The following CNTNAP2 variants were observed in gnomAD, a reference collection of about 807,000 sequenced individuals.
CNTNAP2 encodes contactin-associated protein-like 2.
A neutral mutation model predicts 155.2 loss-of-function variants in CNTNAP2; 98 were observed. The observed-to-expected ratio is 0.63, with a 90% CI of 0.54 to 0.75. The LOEUF (loss-of-function observed/expected upper bound fraction) is 0.75. CNTNAP2 is among the 30% of genes least tolerant of loss of function. The pLI is 0.00. For synonymous variants in CNTNAP2, 651 were observed against 631.2 expected, an observed-to-expected ratio of 1.03 and a Z score of -0.47; for missense variants, 1,727 against 1,688.1, an observed-to-expected ratio of 1.02 and a Z score of -0.40.
At chr7:148,233,982 C>A (rs981219305) in intron 20 of CNTNAP2, among the ~76,000 whole-genome samples, 4 of 151,466 alleles carry the variant, frequency 2.6e-5, no homozygotes. Context: ...ATGCCTGCTA[C>A]CCCTTTGTCT....
intron 13 of CNTNAP2, among the ~76,000 whole-genome samples, chr7:147,824,658 A>G (rs1212805687): frequency 3.3e-5 from 5 of 152,152 alleles, no homozygotes; most frequent in Non-Finnish European, 7.3e-5. Flanking sequence ...TCATAAAATG[A>G]TATGATTCTT....
chr7:146,185,270 G>A (rs1798606671), intron 1 of CNTNAP2, among the ~76,000 whole-genome samples: 1 of 152,142 alleles, frequency 6.6e-6, no homozygotes, highest in Admixed American at 6.6e-5. Flanking sequence ...CGATGGCTGG[G>A]AGGAAAGTAT....
Position 146,241,122 on chromosome 7 carries a change from C to T in CNTNAP2, c.97+124149C>T, listed in dbSNP as rs546111854. ...TGCTAAACATTCATGAGAAAACTACCCACATGATCCACTCAGCTCCCATCA... is the reference window on the plus strand; with the variant it reads ...TGCTAAACATTCATGAGAAAACTACTCACATGATCCACTCAGCTCCCATCA... On this transcript the variant is annotated intron_variant, in intron 1 of 23. Transcript: ENST00000361727. Among the ~76,000 whole-genome samples, 111 of 152,196 alleles carry T rather than the reference C, an allele frequency of 7.3e-4. 2 individuals carry two copies. The South Asian group carries it at 0.022, about 30-fold the overall frequency.
At chr7:148,337,940 T>C (rs1156971022) in intron 21 of CNTNAP2, among the ~76,000 whole-genome samples, 1 of 152,384 alleles carries the variant, frequency 6.6e-6, no homozygotes, top group East Asian at 1.9e-4. Context: ...ACAGAATGTT[T>C]CTTAAATTTA....
chr7:146,313,496 T>A (rs1800860902), intron 1 of CNTNAP2, among the ~76,000 whole-genome samples: 1 of 152,196 alleles, frequency 6.6e-6, no homozygotes. Context: ...TAAATCTGGT[T>A]TCTCTCTTCA....
At chr7:147,520,705 T>C (rs1041598030) in intron 11 of CNTNAP2, among the ~76,000 whole-genome samples, 12 of 152,224 alleles carry the variant, frequency 7.9e-5, no homozygotes, top group Non-Finnish European at 1.5e-4. Flanking sequence ...AGTGTCGTTA[T>C]AGAAAAGTTA....
At chr7:147,840,996 A>G (rs1228774986) in intron 13 of CNTNAP2, among the ~76,000 whole-genome samples, 2 of 152,128 alleles carry the variant, frequency 1.3e-5, no homozygotes, top group African/African-American at 4.8e-5. Flanking sequence ...AATAGCCACT[A>G]CCTCCGGCTT....
chr7:146,693,093 G>T (rs984811624), intron 1 of CNTNAP2, among the ~76,000 whole-genome samples: 29 of 151,986 alleles, frequency 1.9e-4, no homozygotes, highest in African/African-American at 6.8e-4. Context: ...TGAAATTCAG[G>T]CTTGTTAGCT....
chr7:147,611,398 T>G (rs1801181441), intron 12 of CNTNAP2, among the ~76,000 whole-genome samples: 1 of 152,324 alleles, frequency 6.6e-6, no homozygotes, highest in East Asian at 1.9e-4. Context: ...AAGGGAAGAT[T>G]AGCTTGTCTA....
chr7:148,037,809 C>G (rs1314980022), intron 15 of CNTNAP2, among the ~76,000 whole-genome samples: 1 of 152,178 alleles, frequency 6.6e-6, no homozygotes, highest in Admixed American at 6.5e-5. Flanking sequence ...ATAGTATACA[C>G]AGATGATTCT....
intron 2 of CNTNAP2, among the ~76,000 whole-genome samples, chr7:146,789,026 A>G (rs560460673): frequency 6.6e-6 from 1 of 152,310 alleles, no homozygotes; most frequent in African/African-American, 2.4e-5. Flanking sequence ...TCACAAATGT[A>G]GAAATAAATG....
intron 12 of CNTNAP2, among the ~76,000 whole-genome samples, chr7:147,563,589 A>T (rs1311087842): frequency 1.3e-5 from 2 of 152,096 alleles, no homozygotes; most frequent in East Asian, 3.9e-4. Context: ...AGATCAAGCC[A>T]CTGCACTCCA....
At chr7:147,684,518 T>C (rs1166258518) in intron 13 of CNTNAP2, among the ~76,000 whole-genome samples, 2 of 151,904 alleles carry the variant, frequency 1.3e-5, no homozygotes, top group African/African-American at 2.4e-5. Context: ...GCAAAAAATA[T>C]TACATGAACG....
At chr7:148,158,944 T>C (rs1431234953) in intron 17 of CNTNAP2, among the ~76,000 whole-genome samples, 1 of 152,220 alleles carries the variant, frequency 6.6e-6, no homozygotes, top group African/African-American at 2.4e-5. Context: ...TAAATTAGTA[T>C]CAATGACACA....
chr7:147,690,476 C>T (rs143213523), intron 13 of CNTNAP2, among the ~76,000 whole-genome samples: 1,646 of 152,140 alleles, frequency 0.011, 33 homozygotes, highest in African/African-American at 0.038. Context: ...GACATTGTAC[C>T]AGGCATTTAC....
At chr7:147,103,978 A>G (rs1276208899) in intron 4 of CNTNAP2, among the ~76,000 whole-genome samples, 2 of 152,058 alleles carry the variant, frequency 1.3e-5, no homozygotes, top group Non-Finnish European at 2.9e-5. Flanking sequence ...ATCATAACTA[A>G]ATGCAATCTG....
intron 3 of CNTNAP2, among the ~76,000 whole-genome samples, chr7:146,964,181 A>G (rs1797610756): frequency 1.3e-5 from 2 of 152,194 alleles, no homozygotes; most frequent in East Asian, 1.9e-4. Flanking sequence ...TCACTTCATC[A>G]TGGTGTTATT....
intron 22 of CNTNAP2, among the ~76,000 whole-genome samples, chr7:148,388,160 A>ATACTT (rs1416463672): frequency 4.6e-5 from 7 of 152,124 alleles, no homozygotes; most frequent in African/African-American, 7.2e-5. Flanking sequence ...TTTTATTATT[A>ATACTT]TACTTTAAGT....
At chr7:147,916,503 C>A (rs546818329) in intron 14 of CNTNAP2, among the ~76,000 whole-genome samples, 3 of 150,776 alleles carry the variant, frequency 2.0e-5, no homozygotes, top group Admixed American at 1.3e-4. Flanking sequence ...TATAGCCTAC[C>A]AACAAAATGT....
Sources: allele counts gnomAD v4.1 joint callset (sites outside exome capture counted in the v4.1 genomes callset), GRCh38; gene constraint gnomAD v4.1.1; transcripts MANE v1.5; gene names NCBI Gene and HGNC (gene_info 2026-07-23, HGNC 2026-07-21).